Variants in PTPRD observed in about 807,000 individuals in gnomAD.
PTPRD encodes protein tyrosine phosphatase receptor type D.
In PTPRD, 34 loss-of-function variants were observed where a neutral mutation model predicts 214.5. The ratio of observed to expected loss-of-function variants is 0.16; its 90% CI spans 0.12 to 0.21. PTPRD has a LOEUF of 0.21. Among genes scored for constraint, PTPRD ranks in the 10% least tolerant of loss-of-function variants. The pLI, the probability that PTPRD is intolerant of heterozygous loss-of-function variation, is 1.00. For missense variants in PTPRD, 2,545 were observed against 2,398.7 expected, an observed-to-expected ratio of 1.06 and a Z score of -1.27; for synonymous variants, 1,128 against 845.7, an observed-to-expected ratio of 1.33 and a Z score of -5.79.
At chr9:9,382,656 G>C (rs140374178) in intron 9 of PTPRD, among the ~76,000 whole-genome samples, 3 of 152,010 alleles carry the variant, frequency 2.0e-5, no homozygotes, top group Non-Finnish European at 4.4e-5. Context: ...GAGAGAATAA[G>C]TGTCCATGAG....
Position 10,499,034 on chromosome 9 carries a change from CA to C in PTPRD, c.-600+113363del, listed in dbSNP as rs543051835. 6.3e-3 allele frequency among the ~76,000 whole-genome samples: 5 copies of C among 800 alleles called. 2 individuals are homozygous for C. The highest frequency in any genetic ancestry group is 6.6e-3 in the African/African-American group (5 of 752). The allele number at this position is 800 out of a possible 152,430, so 0.5% of individuals were successfully genotyped here. A position where few individuals can be genotyped will look rare whatever the true frequency, so the allele number is the denominator to read the frequency against. ...TGGGCGACAGAGCGAGACTCCGTCT[CA>C]AAAAAAAAAAAAAAAAAAACCTTCT... is the stretch of plus-strand genomic sequence containing the variant. On this transcript the variant is annotated intron_variant, in intron 2 of 45. Coordinates refer to ENST00000381196, the MANE Select transcript of PTPRD (RefSeq NM_002839.4).
chr9:10,151,612 C>T (rs1019377117), intron 3 of PTPRD, among the ~76,000 whole-genome samples: 3 of 152,024 alleles, frequency 2.0e-5, no homozygotes, highest in African/African-American at 7.2e-5. Flanking sequence ...AACTTACATA[C>T]AGAAAGTTTA....
chr9:9,794,715 C>G (rs1191759756), intron 5 of PTPRD, among the ~76,000 whole-genome samples: 1 of 152,114 alleles, frequency 6.6e-6, no homozygotes, highest in Admixed American at 6.6e-5. Flanking sequence ...GATAATAAAA[C>G]CATGGCTTAG....
chr9:9,688,617 T>C (rs975548379), intron 7 of PTPRD, among the ~76,000 whole-genome samples: 1 of 151,844 alleles, frequency 6.6e-6, no homozygotes, highest in Admixed American at 6.6e-5. Context: ...GATGAGGAAA[T>C]GAAGACAATG....
intron 3 of PTPRD, among the ~76,000 whole-genome samples, chr9:10,153,633 G>C (rs2099075715): frequency 6.6e-6 from 1 of 151,938 alleles, no homozygotes; most frequent in African/African-American, 2.4e-5. Flanking sequence ...AGATTATTTT[G>C]TCACTCAACT....
chr9:9,290,318 G>T (rs1482783559), intron 9 of PTPRD, among the ~76,000 whole-genome samples: 1 of 151,532 alleles, frequency 6.6e-6, no homozygotes. Context: ...TTGCTTCTTT[G>T]CTATTTAGTT....
chr9:9,440,545 C>T (rs67813945), intron 8 of PTPRD, among the ~76,000 whole-genome samples: 12,449 of 152,184 alleles, frequency 0.082, 591 homozygotes, highest in Middle Eastern at 0.19. Flanking sequence ...AAGTGTGGTC[C>T]ATAACAGTTG....
chr9:10,525,738 G>GTGTA (rs1204804686), intron 2 of PTPRD, among the ~76,000 whole-genome samples: 11 of 151,508 alleles, frequency 7.3e-5, no homozygotes. Flanking sequence ...GTGTGTGTGT[G>GTGTA]TGTGTGTGTG....
chr9:9,954,315 A>AAC (rs2093719061), intron 4 of PTPRD, among the ~76,000 whole-genome samples: 1 of 146,720 alleles, frequency 6.8e-6, no homozygotes, highest in African/African-American at 2.5e-5. Flanking sequence ...AAAAAAAAAA[A>AAC]AAAAAAAAAG....
chr9:8,923,764 G>A (rs950489787), intron 11 of PTPRD, among the ~76,000 whole-genome samples: 1 of 152,018 alleles, frequency 6.6e-6, no homozygotes, highest in African/African-American at 2.4e-5. Flanking sequence ...CCTACCAAAC[G>A]GCAATGAACA....
intron 9 of PTPRD, among the ~76,000 whole-genome samples, chr9:9,320,169 T>C (rs1020560435): frequency 6.6e-6 from 1 of 152,194 alleles, no homozygotes; most frequent in Non-Finnish European, 1.5e-5. Context: ...GTTTTATTTA[T>C]TCTAGATTTA....
chr9:10,194,345 TAGAGAGAGAGAGAGAGAGAGAGAGAG>T (rs1182799154), intron 3 of PTPRD, among the ~76,000 whole-genome samples: 1,219 of 39,742 alleles, frequency 0.031, 13 homozygotes, highest in Middle Eastern at 0.14. Context: ...TATATATATA[TAGAGAGAGAGAGAGAGAGAGAGAGAG>T]AGAGAGAGAG....
chr9:9,476,073 T>C (rs1203232946), intron 8 of PTPRD, among the ~76,000 whole-genome samples: 4 of 152,148 alleles, frequency 2.6e-5, no homozygotes, highest in African/African-American at 7.2e-5. Context: ...AGAATTGAAG[T>C]TGAGAATCCA....
At chr9:10,274,859 G>A (rs936702822) in intron 3 of PTPRD, among the ~76,000 whole-genome samples, 1 of 152,102 alleles carries the variant, frequency 6.6e-6, no homozygotes, top group African/African-American at 2.4e-5. Context: ...CTAGACAGCA[G>A]CAATGGAAAT....
chr9:9,767,386 G>C (rs1222920616), intron 5 of PTPRD, among the ~76,000 whole-genome samples: 1 of 151,994 alleles, frequency 6.6e-6, no homozygotes, highest in African/African-American at 2.4e-5. Flanking sequence ...TGAAGGCACA[G>C]ATAATAGATT....
rs2042083264 is a variant in PTPRD, at chr9:10,496,528, C to A, written c.-600+115870G>T. ...TGCTTTAAGTTCTGTGAGAAATCTC[C>A]AAACTGGTTTCTACAATAGCTGAAA... is the stretch of plus-strand genomic sequence containing the variant. On this transcript the variant is annotated intron_variant, in intron 2 of 45. Coordinates refer to ENST00000381196, the MANE Select transcript of PTPRD (RefSeq NM_002839.4). Among the ~76,000 whole-genome samples the A allele has an allele frequency of 2.0e-5, 3 of 151,952 alleles. No homozygotes were observed. The South Asian group carries it at 6.2e-4, about 31-fold the overall frequency.
At chr9:10,463,075 T>G (rs2098969934) in intron 2 of PTPRD, among the ~76,000 whole-genome samples, 1 of 151,628 alleles carries the variant, frequency 6.6e-6, no homozygotes, top group Admixed American at 6.6e-5. Flanking sequence ...TTCTAAAATT[T>G]CTAAATTTTG....
chr9:9,664,562 TG>T (rs2096679849), intron 7 of PTPRD, among the ~76,000 whole-genome samples: 1 of 151,704 alleles, frequency 6.6e-6, no homozygotes, highest in Non-Finnish European at 1.5e-5. Context: ...CTCTAAGGTC[TG>T]TCAGTTTCAT....
At chr9:9,288,136 C>T (rs1235224215) in intron 9 of PTPRD, among the ~76,000 whole-genome samples, 1 of 151,742 alleles carries the variant, frequency 6.6e-6, no homozygotes, top group East Asian at 2.0e-4. Flanking sequence ...TTCTTTCCTT[C>T]TATTTATTCT....
Sources: allele counts gnomAD v4.1 joint callset (sites outside exome capture counted in the v4.1 genomes callset), GRCh38; gene constraint gnomAD v4.1.1; transcripts MANE v1.5; gene names NCBI Gene and HGNC (gene_info 2026-07-23, HGNC 2026-07-21).